Variants in EBF2 observed in about 807,000 individuals in gnomAD.
The protein encoded by EBF2 is transcription factor COE2.
EBF2 carries 21 observed loss-of-function variants against 72.8 expected under a neutral mutation model. The observed-to-expected ratio is 0.29, with a 90% confidence interval of 0.20 to 0.42. The LOEUF (loss-of-function observed/expected upper bound fraction) is 0.42. Among genes scored for constraint, EBF2 ranks in the 10% least tolerant of loss-of-function variants. The probability of loss-of-function intolerance (pLI) is 1.00; values close to 1 mark genes in which losing one functional copy is unlikely to be tolerated. For missense variants in EBF2, 637 were observed against 731.2 expected (o/e 0.87, Z 1.49); for synonymous variants, 299 against 274.2 (o/e 1.09, Z -0.89).
intron 10 of EBF2, among the ~76,000 whole-genome samples, chr8:25,864,949 C>T (rs1399288465): frequency 6.6e-6 from 1 of 152,016 alleles, no homozygotes; most frequent in Non-Finnish European, 1.5e-5. Context: ...AGGCGCGCGC[C>T]ACCATGCCTG....
At chr8:25,874,840 C>T (rs1278844282) in intron 10 of EBF2, among the ~76,000 whole-genome samples, 1 of 150,772 alleles carries the variant, frequency 6.6e-6, no homozygotes, top group Non-Finnish European at 1.5e-5. Context: ...CCATGCCCCA[C>T]CAGCCTGGCT....
Position 25,844,516 on chromosome 8 carries a change from G to T in EBF2, c.*93C>A. 1 of 1,423,010 alleles carries T rather than the reference G, an allele frequency of 7.0e-7. No individual in the cohort carries two copies. The highest frequency in any genetic ancestry group is 9.9e-7 in the Non-Finnish European group (1 of 1,009,538). 88.1% of individuals were successfully genotyped at this position (1,423,010 alleles called of 1,614,324 possible). A position where few individuals can be genotyped will look rare whatever the true frequency, so the allele number is the denominator to read the frequency against. ...GGGTGTCCATCATGTTCATGTGGGG[G>T]CACCACTACACCCCCAAAAGAGCTC... On this transcript the variant is annotated 3_prime_UTR_variant, in exon 16 of 16. Transcript: ENST00000520164.
chr8:25,849,121 T>C (rs934503034), intron 15 of EBF2, among the ~76,000 whole-genome samples: 3 of 152,230 alleles, frequency 2.0e-5, no homozygotes, highest in Non-Finnish European at 4.4e-5. Context: ...AAAAAATCCA[T>C]GAAGTTTCCA....
At chr8:25,946,062 G>A (rs867132874) in intron 6 of EBF2, among the ~76,000 whole-genome samples, 20 of 152,278 alleles carry the variant, frequency 1.3e-4, no homozygotes, top group Non-Finnish European at 1.9e-4. Context: ...ACTGCCTGGC[G>A]TGATGGGGAA....
At chr8:25,991,861 G>A (rs1804550136) in intron 6 of EBF2, among the ~76,000 whole-genome samples, 1 of 151,222 alleles carries the variant, frequency 6.6e-6, no homozygotes, top group Admixed American at 6.6e-5. Flanking sequence ...AAATAAGTAA[G>A]GGACAGCAAA....
Position 26,044,743 on chromosome 8 carries a change from A to G in EBF2, c.117T>C (p.Asn39=). 6.2e-7 allele frequency: 1 copy of G among 1,614,126 alleles called. No individual in the cohort carries two copies. Among genetic ancestry groups the G allele is most frequent in the Non-Finnish European group, 8.5e-7 (1 of 1,180,022 alleles). Reference sequence around the variant, plus strand: ...CGTGTCGTTACCTCTGCGCGGCGACATTAGCGTCCACCACTCCGACATTCC... The same window carrying G: ...CGTGTCGTTACCTCTGCGCGGCGACGTTAGCGTCCACCACTCCGACATTCC... The part of the protein sequence containing the change: ...WVRNVGVVDA[N]VAAQSGVALS... Residue 39 remains asparagine (N), a synonymous_variant, in exon 1 of 16, where the codon AAT becomes AAC. Coordinates refer to ENST00000520164, the MANE Select transcript of EBF2 (RefSeq NM_022659.4). This position sits in a 1 kb window ranked among gnomAD's most constrained non-coding sequence, Gnocchi z 4.1.
Position 25,842,700 on chromosome 8 carries a change from A to G in EBF2, c.*1909T>C, listed in dbSNP as rs535507898. ...CAGGTTTCTAAAACCTTGGATTCTC[A>G]TGTGCATAGAAATAATATAAGTCAT... On this transcript the variant is annotated 3_prime_UTR_variant, in exon 16 of 16. Transcript: ENST00000520164. 1.8e-4 allele frequency: 28 copies of G among 152,256 alleles called. No individual in the cohort carries two copies. Among genetic ancestry groups the G allele is most frequent in the African/African-American group, 6.7e-4 (28 of 41,516 alleles). The allele number at this position is 152,256 out of a possible 1,614,324, so 9.4% of individuals were successfully genotyped here.
intron 2 of EBF2, 52 bp from the exon 3 acceptor site, chr8:26,041,054 A>T: frequency 1.9e-6 from 3 of 1,600,392 alleles, no homozygotes; most frequent in Non-Finnish European, 2.6e-6. Flanking sequence ...CCCCAAAATG[A>T]GGGAAAGAGG....
chr8:25,978,192 G>C (rs1428634126), intron 6 of EBF2, among the ~76,000 whole-genome samples: 1 of 152,144 alleles, frequency 6.6e-6, no homozygotes, highest in Non-Finnish European at 1.5e-5. Context: ...GAAGAAGAAA[G>C]AATCACGCAA....
At chr8:25,878,547 C>T (rs1330978451) in intron 10 of EBF2, among the ~76,000 whole-genome samples, 1 of 152,146 alleles carries the variant, frequency 6.6e-6, no homozygotes, top group African/African-American at 2.4e-5. Flanking sequence ...GACAGGAGGC[C>T]ACCAACCTAT....
At position 25,850,550 on chromosome 8, in the gene EBF2, C is replaced by A. The variant is rs752642343; in HGVS notation, c.1696+44G>T. 2.7e-6 allele frequency: 4 copies of A among 1,484,764 alleles called. No individual in the cohort carries two copies. In the South Asian group the frequency reaches 5.8e-5, roughly 21 times the overall value. 92.0% of individuals were successfully genotyped at this position (1,484,764 alleles called of 1,614,324 possible). A position where few individuals can be genotyped will look rare whatever the true frequency, so the allele number is the denominator to read the frequency against. On this transcript the variant is annotated intron_variant, in intron 15 of 15. Coordinates refer to ENST00000520164, the MANE Select transcript of EBF2 (RefSeq NM_022659.4). ...GTGCTGTTTGCTCTTACTTTGCCAA[C>A]CCTATGGTACATTGTGTATCCCCAA...
At chr8:25,942,925 G>A (rs555501535) in intron 6 of EBF2, among the ~76,000 whole-genome samples, 6 of 152,226 alleles carry the variant, frequency 3.9e-5, no homozygotes, top group Admixed American at 1.3e-4. Context: ...TGATGAGTGC[G>A]TGGTGCATGG....
chr8:26,006,208 C>G (rs937463557), intron 6 of EBF2, among the ~76,000 whole-genome samples: 2 of 152,110 alleles, frequency 1.3e-5, no homozygotes, highest in African/African-American at 4.8e-5. Context: ...ACAAACAGAT[C>G]CAGGGACATC....
At chr8:25,847,901 A>C (rs1309497231) in intron 15 of EBF2, among the ~76,000 whole-genome samples, 2 of 152,020 alleles carry the variant, frequency 1.3e-5, no homozygotes, top group Non-Finnish European at 2.9e-5. Flanking sequence ...TCTTTTAGAG[A>C]GACTACATAT....
chr8:25,932,550 C>G (rs1241318787), intron 6 of EBF2, among the ~76,000 whole-genome samples: 2 of 152,092 alleles, frequency 1.3e-5, no homozygotes, highest in Non-Finnish European at 2.9e-5. Context: ...AGCCTCCTGC[C>G]TACAAACAGA....
intron 6 of EBF2, among the ~76,000 whole-genome samples, chr8:25,994,615 G>A (rs1353974085): frequency 1.3e-5 from 2 of 152,112 alleles, no homozygotes; most frequent in Non-Finnish European, 2.9e-5. Context: ...CATGAAAAAA[G>A]AACAAAATCA....
At chr8:25,951,668 G>A (rs1303393436) in intron 6 of EBF2, among the ~76,000 whole-genome samples, 3 of 152,186 alleles carry the variant, frequency 2.0e-5, no homozygotes, top group African/African-American at 7.2e-5. Flanking sequence ...TTAGTTCTCT[G>A]TAGCTAAGGG....
intron 14 of EBF2, among the ~76,000 whole-genome samples, chr8:25,854,935 C>G (rs959094293): frequency 4.6e-5 from 7 of 152,058 alleles, no homozygotes; most frequent in African/African-American, 1.7e-4. Context: ...CCAAACTCTG[C>G]GTAGGCTTGG....
chr8:25,992,684 C>G (rs1804563966), intron 6 of EBF2, among the ~76,000 whole-genome samples: 2 of 152,102 alleles, frequency 1.3e-5, no homozygotes, highest in South Asian at 4.1e-4. Context: ...AGGCAAATTG[C>G]TTGAGCTCAG....
Sources: gnomAD v4.1 joint callset for allele counts (sites outside exome capture counted in the v4.1 genomes callset) on GRCh38, gnomAD v4.1.1 for gene constraint, Gnocchi (gnomAD v3.1) non-coding constraint, MANE v1.5 for transcripts, NCBI Gene and HGNC (gene_info 2026-07-23, HGNC 2026-07-21) for gene names.